SETD5: variants seen among roughly 807,000 people sequenced by gnomAD.
SETD5 encodes histone-lysine N-methyltransferase SETD5.
Under a neutral mutation model 153.3 loss-of-function variants are expected in SETD5, and 44 were observed. The ratio of observed to expected loss-of-function variants is 0.29; its 90% CI spans 0.23 to 0.37. The LOEUF is 0.37. SETD5 is among the 10% of genes least tolerant of loss of function. The probability of loss-of-function intolerance (pLI) is 1.00; values close to 1 mark genes in which losing one functional copy is unlikely to be tolerated. For synonymous variants in SETD5, 716 were observed against 645.2 expected, an observed-to-expected ratio of 1.11 and a Z score of -1.66; for missense variants, 1,544 against 1,768.0, an observed-to-expected ratio of 0.87 and a Z score of 2.27.
chr3:9,436,997 A>G (rs998408874), intron 7 of SETD5: 7 of 987,422 alleles, frequency 7.1e-6, no homozygotes, highest in Middle Eastern at 4.2e-4. Flanking sequence ...TCTGCTTTTC[A>G]TTAGTTTGTA....
In SETD5 at chr3:9,428,877, C is replaced by G; in HGVS notation, c.-62C>G. 8.0e-7 allele frequency: 1 copy of G among 1,257,512 alleles called. No individual in the cohort carries two copies. The highest frequency in any genetic ancestry group is 1.3e-5 in the South Asian group (1 of 77,438). 77.9% of individuals were successfully genotyped at this position (1,257,512 alleles called of 1,614,324 possible). The stretch of plus-strand genomic sequence containing the variant: ...AGGCTCTGCAGCTCACCCCCACTCT[C>G]AGAGTGGTCAGTCTCCATTAATTGG... On this transcript the variant is annotated 5_prime_UTR_variant, in exon 3 of 23. An upstream open reading frame in the 5' UTR gains an earlier in-frame stop. Coordinates refer to ENST00000402198, the MANE Select transcript of SETD5 (RefSeq NM_001080517.3).
At chr3:9,449,376 A>G (rs759924374) in intron 16 of SETD5, 3 of 152,134 alleles carry the variant, frequency 2.0e-5, no homozygotes, top group Non-Finnish European at 4.4e-5. Flanking sequence ...CCTCAGATCT[A>G]TGATGTCGTT....
At chr3:9,462,181 T>C (rs964600650) in intron 17 of SETD5, among the ~76,000 whole-genome samples, 2 of 152,222 alleles carry the variant, frequency 1.3e-5, no homozygotes, top group Admixed American at 1.3e-4. Flanking sequence ...ATACTGACCA[T>C]TGCTTCCAGA....
intron 1 of SETD5, among the ~76,000 whole-genome samples, chr3:9,419,726 T>A (rs35995672): frequency 6.6e-6 from 1 of 152,226 alleles, no homozygotes; most frequent in Non-Finnish European, 1.5e-5. Context: ...TTTTTGTAGC[T>A]CTATTTCTTC....
At chr3:9,405,427 A>G (rs991720607) in intron 1 of SETD5, among the ~76,000 whole-genome samples, 2 of 152,258 alleles carry the variant, frequency 1.3e-5, no homozygotes, top group African/African-American at 4.8e-5. Flanking sequence ...CTCTTTGAAC[A>G]TAAATTTTTC....
chr3:9,432,813 C>A (rs1190380562), intron 3 of SETD5, among the ~76,000 whole-genome samples: 1 of 152,112 alleles, frequency 6.6e-6, no homozygotes, highest in Non-Finnish European at 1.5e-5. Flanking sequence ...AGTTTATTTT[C>A]TACTCACAAA....
chr3:9,455,488 A>C (rs552231881), intron 17 of SETD5, among the ~76,000 whole-genome samples: 1 of 152,134 alleles, frequency 6.6e-6, no homozygotes, highest in African/African-American at 2.4e-5. Context: ...TACCACCTAT[A>C]TACCTCAGGA....
intron 14 of SETD5, 72 bp downstream of exon 14, chr3:9,447,379 T>G: frequency 6.5e-7 from 1 of 1,533,090 alleles, no homozygotes; most frequent in Non-Finnish European, 8.7e-7. Flanking sequence ...CTTTTGGAAT[T>G]TTTAAAATCA....
chr3:9,403,551 T>C (rs1429120391), intron 1 of SETD5, among the ~76,000 whole-genome samples: 2 of 152,238 alleles, frequency 1.3e-5, no homozygotes, highest in Admixed American at 1.3e-4. Flanking sequence ...TTTCATGTGT[T>C]GGGTTGCCAT....
chr3:9,475,170 T>C lies in SETD5; in HGVS notation c.3720+14T>C. Reference sequence around the variant, plus strand: ...TACAGCTACCAGGTGAGATGAGAAATTGCTGGTCTCTAGCCATAGGAGTGT... The same window carrying C: ...TACAGCTACCAGGTGAGATGAGAAACTGCTGGTCTCTAGCCATAGGAGTGT... On this transcript the variant is annotated intron_variant, in intron 22 of 22. Coordinates refer to ENST00000402198, the MANE Select transcript of SETD5 (RefSeq NM_001080517.3). 6.4e-7 allele frequency: 1 copy of C among 1,568,854 alleles called. No individual in the cohort carries two copies. Among genetic ancestry groups the C allele is most frequent in the Non-Finnish European group, 8.6e-7 (1 of 1,156,438 alleles).
At chr3:9,474,330 G>A in intron 20 of SETD5, 119 bp from the exon 21 acceptor site, 3 of 1,187,314 alleles carry the variant, frequency 2.5e-6, no homozygotes, top group Admixed American at 2.4e-5. Flanking sequence ...TTTTAAATTG[G>A]TTCTGAAGAA....
At position 9,473,219 on chromosome 3, in the gene SETD5, T is replaced by C. The variant is rs2045520070; in HGVS notation, c.3196-17T>C. On this transcript the variant is annotated splice_polypyrimidine_tract_variant and intron_variant, in intron 19 of 22. Transcript: ENST00000402198. ...GATAGAGTACCGTTTTTTGTTTGTTTGTTTTTTCCTTTCTAGGTATCCCTG... is the reference window on the plus strand; with the variant it reads ...GATAGAGTACCGTTTTTTGTTTGTTCGTTTTTTCCTTTCTAGGTATCCCTG... 1 of 1,604,828 alleles carries C rather than the reference T, an allele frequency of 6.2e-7. No individual in the cohort carries two copies. The highest frequency in any genetic ancestry group is 1.3e-5 in the African/African-American group (1 of 74,664).
chr3:9,466,546 A>C (rs2044606344), intron 18 of SETD5, among the ~76,000 whole-genome samples: 1 of 152,134 alleles, frequency 6.6e-6, no homozygotes, highest in South Asian at 2.1e-4. Flanking sequence ...GCATGGTTTC[A>C]CTTGCAATTT....
intron 17 of SETD5, among the ~76,000 whole-genome samples, chr3:9,454,896 C>G (rs1423601448): frequency 6.6e-6 from 1 of 151,768 alleles, no homozygotes; most frequent in African/African-American, 2.4e-5. Context: ...AAATATTAGA[C>G]AATCAAAATA....
At chr3:9,450,766 A>T (rs1281071152) in intron 16 of SETD5, among the ~76,000 whole-genome samples, 1 of 152,226 alleles carries the variant, frequency 6.6e-6, no homozygotes, top group African/African-American at 2.4e-5. Context: ...TCACTGTTTC[A>T]TATCTCACTA....
chr3:9,430,573 A>G (rs191570263), intron 3 of SETD5: 2 of 195,426 alleles, frequency 1.0e-5, no homozygotes, highest in East Asian at 3.7e-4. Context: ...GCCAGTTTGT[A>G]TTGTGTTTAT....
At chr3:9,418,607 A>T (rs2037901068) in intron 1 of SETD5, among the ~76,000 whole-genome samples, 1 of 151,906 alleles carries the variant, frequency 6.6e-6, no homozygotes, top group Non-Finnish European at 1.5e-5. Context: ...GTTCAAGACC[A>T]CCCTGGCCAA....
intron 3 of SETD5, chr3:9,429,222 A>G (rs1381221020): frequency 2.4e-5 from 8 of 328,912 alleles, no homozygotes; most frequent in Non-Finnish European, 2.8e-5. Context: ...ATTTCTGGGC[A>G]AATAATTAAT....
At chr3:9,405,354 G>A (rs1290235593) in intron 1 of SETD5, among the ~76,000 whole-genome samples, 1 of 152,070 alleles carries the variant, frequency 6.6e-6, no homozygotes, top group Non-Finnish European at 1.5e-5. Context: ...ACTAAAATAA[G>A]GTTAAAAATT....
Sources: gnomAD v4.1 joint callset for allele counts (sites outside exome capture counted in the v4.1 genomes callset) on GRCh38, gnomAD v4.1.1 for gene constraint, MANE v1.5 for transcripts, NCBI Gene and HGNC (gene_info 2026-07-23, HGNC 2026-07-21) for gene names.